Variants in CES1 observed in about 807,000 individuals in gnomAD.
CES1 encodes carboxylesterase 1, also known as liver carboxylesterase 1.
In CES1, 50 loss-of-function variants were observed where a neutral mutation model predicts 53.0. That is an observed-to-expected ratio of 0.94 (90% confidence interval 0.75 to 1.19). The LOEUF (loss-of-function observed/expected upper bound fraction) is 1.19. Among genes scored for constraint, CES1 ranks in the 50% most tolerant of loss-of-function variants. The probability of loss-of-function intolerance (pLI) is 0.00; values close to 1 mark genes in which losing one functional copy is unlikely to be tolerated. For missense variants in CES1, 534 were observed against 538.0 expected (o/e 0.99, Z 0.07); for synonymous variants, 202 against 210.1 (o/e 0.96, Z 0.33).
Position 55,826,120 on chromosome 16 carries a change from C to A in CES1, c.405+31G>T, listed in dbSNP as rs777552352. On this transcript the variant is annotated intron_variant, in intron 3 of 13. Transcript: ENST00000360526. Reference sequence around the variant, plus strand: ...AGAAGATGCGGGGTACTGGCACTGACACGCCTTGACCAGGGGGTCCCACAA... The same window carrying A: ...AGAAGATGCGGGGTACTGGCACTGAAACGCCTTGACCAGGGGGTCCCACAA... 5 of 1,613,908 alleles carry A rather than the reference C, an allele frequency of 3.1e-6. No homozygotes were observed. In the East Asian group the frequency reaches 8.9e-5, roughly 29 times the overall value.
chr16:55,825,537 C>T (rs2032383190), intron 3 of CES1, among the ~76,000 whole-genome samples: 1 of 152,236 alleles, frequency 6.6e-6, no homozygotes, highest in South Asian at 2.1e-4. Context: ...AGCTATTTGG[C>T]CAAAGGCAAA....
intron 11 of CES1, 70 bp downstream of exon 11, chr16:55,810,446 TG>T: frequency 6.3e-7 from 1 of 1,588,390 alleles, no homozygotes; most frequent in Non-Finnish European, 8.6e-7. Flanking sequence ...CTGTCTATGC[TG>T]GGAGGTAGGT....
In CES1 at chr16:55,816,655, T is replaced by C. The variant is rs191597249; in HGVS notation, c.945+269A>G. On this transcript the variant is annotated intron_variant, in intron 8 of 13. Transcript: ENST00000360526. ...GTGCCATTTTGGGGAGCAGAAAATG[T>C]AAAAAAGAAGGGGAGTGGGCAGAGC... is the stretch of plus-strand genomic sequence containing the variant. Among the ~76,000 whole-genome samples the C allele has an allele frequency of 9.0e-3, 1,369 of 152,100 alleles. 10 individuals carry two copies. The highest frequency in any genetic ancestry group is 0.015 in the Non-Finnish European group (1,018 of 67,980).
chr16:55,818,033 C>T (rs2032020938), intron 7 of CES1, among the ~76,000 whole-genome samples: 1 of 152,180 alleles, frequency 6.6e-6, no homozygotes, highest in South Asian at 2.1e-4. Flanking sequence ...TGAGCCAAGA[C>T]CTAAGCACCA....
intron 11 of CES1, among the ~76,000 whole-genome samples, chr16:55,809,200 A>G (rs1196380075): frequency 6.6e-6 from 1 of 150,938 alleles, no homozygotes; most frequent in Non-Finnish European, 1.5e-5. Context: ...GGAACTCTAT[A>G]TATAGTTCAG....
chr16:55,827,064 GT>G (rs1187247854), intron 2 of CES1, among the ~76,000 whole-genome samples: 10 of 152,046 alleles, frequency 6.6e-5, no homozygotes, highest in African/African-American at 2.4e-4. Flanking sequence ...ATGCCATGTG[GT>G]GCTTATACAC....
chr16:55,818,697 T>C (rs575432803), intron 7 of CES1, among the ~76,000 whole-genome samples: 1 of 152,072 alleles, frequency 6.6e-6, no homozygotes, highest in African/African-American at 2.4e-5. Context: ...GTCCACTTCA[T>C]GTCTGTTTTG....
chr16:55,820,137 G>A (rs1162976212), intron 6 of CES1: 5 of 581,312 alleles, frequency 8.6e-6, no homozygotes, highest in Admixed American at 2.9e-5. Context: ...GCTCTGCCCT[G>A]ATCACCTGCT....
Position 55,810,521 on chromosome 16 carries a change from G to T in CES1, c.1314C>A (p.His438Gln), listed in dbSNP as rs1445790815. 6.2e-7 allele frequency: 1 copy of T among 1,613,946 alleles called. No homozygotes were observed. Among genetic ancestry groups the T allele is most frequent in the African/African-American group, 1.3e-5 (1 of 74,852 alleles). The change falls in exon 11 of 14, where the codon CAC becomes CAA. Residue 438 changes from histidine to glutamine, a missense_variant. Transcript: ENST00000360526. ...GVPSVIVARN[H>Q]RDAGAPTYMY... ...CGTTCGACCTCTGGGACTCACCTCT[G>T]TGGTTCCGGGCCACAATCACAGATG... is the stretch of plus-strand genomic sequence containing the variant.
intron 9 of CES1, among the ~76,000 whole-genome samples, chr16:55,812,114 C>T (rs1221239155): frequency 1.3e-5 from 2 of 152,184 alleles, no homozygotes; most frequent in Non-Finnish European, 2.9e-5. Flanking sequence ...GACTATTTCC[C>T]CTATTGCAAT....
intron 7 of CES1, among the ~76,000 whole-genome samples, chr16:55,819,187 A>G (rs2032069229): frequency 6.6e-6 from 1 of 152,218 alleles, no homozygotes; most frequent in East Asian, 1.9e-4. Flanking sequence ...ATCTTTCTGA[A>G]AATCTTTGAG....
chr16:55,829,807 G>A (rs1422926945), intron 1 of CES1, among the ~76,000 whole-genome samples: 6 of 152,332 alleles, frequency 3.9e-5, no homozygotes, highest in African/African-American at 1.2e-4. Context: ...TTCTTCTGGT[G>A]GCCCTGGGCA....
intron 8 of CES1, 29 bp downstream of exon 8, chr16:55,816,894 AC>A (rs2031966721): frequency 6.2e-7 from 1 of 1,611,862 alleles, no homozygotes; most frequent in Non-Finnish European, 8.5e-7. Flanking sequence ...AAGACTCAAA[AC>A]CCGTAATCCA....
chr16:55,824,870 G>A (rs77807278), intron 3 of CES1, among the ~76,000 whole-genome samples: 1,961 of 152,320 alleles, frequency 0.013, 22 homozygotes, highest in Non-Finnish European at 0.018. Flanking sequence ...AACCCAGACC[G>A]TGTAGTTCTA....
intron 7 of CES1, among the ~76,000 whole-genome samples, chr16:55,817,913 A>C (rs1170788529): frequency 1.3e-5 from 2 of 152,326 alleles, no homozygotes; most frequent in East Asian, 3.8e-4. Flanking sequence ...CTTCCCTTTT[A>C]AGCTGGGTCC....
At chr16:55,810,395 G>A in intron 11 of CES1, 122 bp downstream of exon 11, 1 of 1,294,214 alleles carries the variant, frequency 7.7e-7, no homozygotes, top group Non-Finnish European at 1.1e-6. Context: ...CATGCCATAT[G>A]GAATCAGCCT....
At position 55,813,022 on chromosome 16, in the gene CES1, C is replaced by G. The variant is rs779846465; in HGVS notation, c.967G>C (p.Val323Leu). The G allele has an allele frequency of 6.2e-7, 1 of 1,614,028 alleles. No homozygotes were observed. The highest frequency in any genetic ancestry group is 8.5e-7 in the Non-Finnish European group (1 of 1,179,916). ...PRESQPLLGT[V>L]IDGMLLLKTP... Reference sequence around the variant, plus strand: ...TTCAGCAGCAGCATCCCATCAATCACAGTGCCCAGAAGGGGTTGACTCTGG... The same window carrying G: ...TTCAGCAGCAGCATCCCATCAATCAGAGTGCCCAGAAGGGGTTGACTCTGG... The change falls in exon 9 of 14, where the codon GTG becomes CTG. Residue 323 changes from valine to leucine, a missense_variant. Val to Leu is a conservative substitution (Grantham distance 32). This residue lies in a region of CES1 where 269 missense variants were observed against 206.6 expected (regional missense o/e 1.30). Coordinates refer to ENST00000360526, the MANE Select transcript of CES1 (RefSeq NM_001025195.2).
chr16:55,812,866 G>A (rs2031760737), intron 9 of CES1, 37 bp downstream of exon 9: 6 of 1,612,940 alleles, frequency 3.7e-6, no homozygotes, highest in Non-Finnish European at 4.2e-6. Context: ...GCTGATGGGG[G>A]TGGTTGAGTC....
rs572705183 is a variant in CES1 at position 55,829,057 on chromosome 16, G to A, written c.53-83C>T. ...AGGTGGAGTTTGCCGCTTTCTAAGT[G>A]AGTGACCTTAAATAAGTCACCTAAA... On this transcript the variant is annotated intron_variant, in intron 1 of 13. Transcript: ENST00000360526. 6 of 1,452,272 alleles carry A rather than the reference G, an allele frequency of 4.1e-6. No homozygotes were observed. In the Admixed American group the frequency reaches 1.2e-4, roughly 29 times the overall value. The allele number at this position is 1,452,272 out of a possible 1,614,324, so 90.0% of individuals were successfully genotyped here.
Sources: gnomAD v4.1 joint callset for allele counts (sites outside exome capture counted in the v4.1 genomes callset) on GRCh38, gnomAD v4.1.1 for gene constraint, gnomAD v4.1.1 regional missense constraint, MANE v1.5 for transcripts, NCBI Gene and HGNC (gene_info 2026-07-23, HGNC 2026-07-21) for gene names.